RBMS1: variants seen among roughly 807,000 people sequenced by gnomAD.
RBMS1 encodes the protein RNA binding motif single stranded interacting protein 1.
RBMS1 carries 17 observed loss-of-function variants against 62.3 expected under a neutral mutation model. The observed-to-expected ratio is 0.27, with a 90% CI of 0.19 to 0.41. The LOEUF (loss-of-function observed/expected upper bound fraction) is 0.41, where lower values mean the gene tolerates loss of function less well. Ranked by LOEUF, RBMS1 falls within the 10% of genes least tolerant of loss-of-function variation. The pLI, the probability that RBMS1 is intolerant of heterozygous loss-of-function variation, is 1.00. For synonymous variants in RBMS1, 172 were observed against 170.0 expected, an observed-to-expected ratio of 1.01 and a Z score of -0.09; for missense variants, 334 against 504.5, an observed-to-expected ratio of 0.66 and a Z score of 3.24.
intron 1 of RBMS1, among the ~76,000 whole-genome samples, chr2:160,391,381 C>T (rs186165417): frequency 2.0e-4 from 31 of 151,656 alleles, no homozygotes; most frequent in Admixed American, 1.6e-3. Flanking sequence ...GGGAGCATGG[C>T]CCTGCTGACA....
At chr2:160,333,491 G>A (rs992637263) in intron 2 of RBMS1, among the ~76,000 whole-genome samples, 3 of 152,130 alleles carry the variant, frequency 2.0e-5, no homozygotes, top group African/African-American at 7.2e-5. Context: ...ACATCCAGAA[G>A]AAGGTGATAA....
rs761219337 is a variant in RBMS1 at position 160,278,649 on chromosome 2, A to G, written c.961T>C (p.Leu321=). Residue 321 remains leucine (L), a synonymous_variant, in exon 11 of 14, where the codon TTA becomes CTA. Transcript: ENST00000348849. ...ATGGTGTGCTCCATTGAGGGAGTTA[A>G]CACGGCACCCTGGGGAGTTGGAGAC... is the stretch of plus-strand genomic sequence containing the variant. ...PYILQHPGAV[L]TPSMEHTMSL... is the part of the protein sequence containing the mutation. 1 of 1,611,752 alleles carries G rather than the reference A, an allele frequency of 6.2e-7. No homozygotes were observed. Among genetic ancestry groups the G allele is most frequent in the Non-Finnish European group, 8.5e-7 (1 of 1,178,778 alleles).
chr2:160,342,625 A>T (rs2105995985), intron 2 of RBMS1, among the ~76,000 whole-genome samples: 1 of 152,160 alleles, frequency 6.6e-6, no homozygotes, highest in South Asian at 2.1e-4. Context: ...ATGTGAAAAA[A>T]TAATTATTGG....
At chr2:160,368,702 A>G (rs1251514677) in intron 1 of RBMS1, among the ~76,000 whole-genome samples, 4 of 152,112 alleles carry the variant, frequency 2.6e-5, no homozygotes, top group African/African-American at 9.7e-5. Context: ...GCAGTGGTGC[A>G]ATCTCGGCTC....
chr2:160,450,580 C>CAAAAAAAAAAAAAAAAAAAA (rs796115120), intron 1 of RBMS1, among the ~76,000 whole-genome samples: 1 of 120,828 alleles, frequency 8.3e-6, no homozygotes, highest in Admixed American at 9.2e-5. Flanking sequence ...AAAAAAAAAA[C>CAAAAAAAAAAAAAAAAAAAA]AAAAAACATT....
At position 160,367,406 on chromosome 2, in the gene RBMS1, T is replaced by C; in HGVS notation, c.76-15A>G. On this transcript the variant is annotated splice_polypyrimidine_tract_variant and intron_variant, in intron 1 of 13. Coordinates refer to ENST00000348849, the MANE Select transcript of RBMS1 (RefSeq NM_016836.4). ...ACCAGAGACTGCTGGAAAACAAAGATCAGGAGCCTTAGTATGCTAGCATTA... is the reference window on the plus strand; with the variant it reads ...ACCAGAGACTGCTGGAAAACAAAGACCAGGAGCCTTAGTATGCTAGCATTA... 1 of 1,613,946 alleles carries C rather than the reference T, an allele frequency of 6.2e-7. No homozygotes were observed. The highest frequency in any genetic ancestry group is 8.5e-7 in the Non-Finnish European group (1 of 1,179,888).
At chr2:160,450,563 T>TATAA (rs71006605) in intron 1 of RBMS1, among the ~76,000 whole-genome samples, 1 of 122,380 alleles carries the variant, frequency 8.2e-6, no homozygotes, top group Non-Finnish European at 1.6e-5. Flanking sequence ...AAATAAAAAA[T>TATAA]GAAAAAAAAA....
intron 1 of RBMS1, among the ~76,000 whole-genome samples, chr2:160,406,867 G>C (rs1238413112): frequency 1.3e-5 from 2 of 152,188 alleles, no homozygotes; most frequent in Non-Finnish European, 2.9e-5. Context: ...GCATGTGTAT[G>C]ACTCAGGCAT....
chr2:160,472,794 T>C (rs1055368448), intron 1 of RBMS1, among the ~76,000 whole-genome samples: 3 of 152,228 alleles, frequency 2.0e-5, no homozygotes, highest in African/African-American at 7.2e-5. Context: ...GATCCTTTTA[T>C]TATTGCTATC....
At chr2:160,307,079 G>A (rs1436002845) in intron 4 of RBMS1, among the ~76,000 whole-genome samples, 2 of 152,112 alleles carry the variant, frequency 1.3e-5, no homozygotes, top group African/African-American at 4.8e-5. Context: ...ACGTTCACGT[G>A]AGTAGAAAAG....
chr2:160,329,085 C>T (rs1691111945), intron 2 of RBMS1, among the ~76,000 whole-genome samples: 1 of 152,164 alleles, frequency 6.6e-6, no homozygotes, highest in Non-Finnish European at 1.5e-5. Context: ...CTAACGCTGG[C>T]TTTGATCCAA....
chr2:160,342,164 G>C (rs1403067533), intron 2 of RBMS1, among the ~76,000 whole-genome samples: 2 of 152,064 alleles, frequency 1.3e-5, no homozygotes, highest in African/African-American at 4.8e-5. Context: ...CATGTGTTTT[G>C]AGTATCCAAT....
At chr2:160,370,418 G>A in intron 1 of RBMS1, among the ~76,000 whole-genome samples, 1 of 152,120 alleles carries the variant, frequency 6.6e-6, no homozygotes, top group East Asian at 1.9e-4. Flanking sequence ...GTGGATCACG[G>A]AGTCAGGAGT....
chr2:160,398,726 GC>G (rs1312855035), intron 1 of RBMS1, among the ~76,000 whole-genome samples: 2 of 152,018 alleles, frequency 1.3e-5, no homozygotes, highest in Non-Finnish European at 2.9e-5. Flanking sequence ...TAATAGAAAG[GC>G]TGGGTTTTTC....
intron 1 of RBMS1, among the ~76,000 whole-genome samples, chr2:160,385,162 C>T (rs958368641): frequency 1.3e-5 from 2 of 152,168 alleles, no homozygotes; most frequent in African/African-American, 2.4e-5. Flanking sequence ...ATAAACTACC[C>T]AGCCTTGGAT....
At chr2:160,350,528 C>T (rs567537076) in intron 2 of RBMS1, among the ~76,000 whole-genome samples, 7 of 151,918 alleles carry the variant, frequency 4.6e-5, no homozygotes, top group Non-Finnish European at 8.8e-5. Context: ...GCCAAGGAAA[C>T]GCTGGTACTG....
At chr2:160,312,255 A>C (rs564231285) in intron 4 of RBMS1, among the ~76,000 whole-genome samples, 18 of 152,224 alleles carry the variant, frequency 1.2e-4, no homozygotes, top group African/African-American at 3.9e-4. Flanking sequence ...ACTAACTTTC[A>C]GGATGAACCT....
chr2:160,380,781 G>A (rs981947739), intron 1 of RBMS1, among the ~76,000 whole-genome samples: 6 of 152,188 alleles, frequency 3.9e-5, no homozygotes, highest in African/African-American at 1.4e-4. Context: ...ACTGCGGCCA[G>A]GAAGCTGGGG....
At chr2:160,328,206 T>C (rs1438921885) in intron 2 of RBMS1, among the ~76,000 whole-genome samples, 1 of 152,220 alleles carries the variant, frequency 6.6e-6, no homozygotes, top group Non-Finnish European at 1.5e-5. Flanking sequence ...ATGACCACTA[T>C]GGTGCCTGAC....
Sources: gnomAD v4.1 joint callset for allele counts (sites outside exome capture counted in the v4.1 genomes callset) on GRCh38, gnomAD v4.1.1 for gene constraint, MANE v1.5 for transcripts, NCBI Gene and HGNC (gene_info 2026-07-23, HGNC 2026-07-21) for gene names.